Variants in IPO9 observed in about 807,000 individuals in gnomAD.
The protein encoded by IPO9 is importin-9.
In IPO9, 28 loss-of-function variants were observed where a neutral mutation model predicts 128.6. That is an observed-to-expected ratio of 0.22 (90% CI 0.16 to 0.30). The LOEUF (loss-of-function observed/expected upper bound fraction) is 0.30. Ranked by LOEUF, IPO9 falls within the 10% of genes least tolerant of loss-of-function variation. IPO9 has a pLI of 1.00. For missense variants in IPO9, 935 were observed against 1,293.9 expected (o/e 0.72, Z 4.26); for synonymous variants, 455 against 475.8 (o/e 0.96, Z 0.57).
rs1427954272 is a variant in IPO9 at position 201,829,213 on chromosome 1, G to A, written c.4G>A (p.Ala2Thr). M[A>T]AAAAAGAASG... ...TGGCGGGCTGAGGGGAGAAAAGATG[G>A]CGGCGGCGGCGGCAGCTGGTGCGGC... is the stretch of plus-strand genomic sequence containing the variant. Residue 2 changes from alanine (A) to threonine (T), a missense_variant, in exon 1 of 24, where the codon GCG (alanine) becomes ACG (threonine). Ala to Thr is a moderately conservative substitution (Grantham distance 58, BLOSUM62 0). Around this residue, in one of 3 missense-constraint regions of IPO9, gnomAD observed 741 missense variants for 1,019.1 expected, o/e 0.73. Coordinates refer to ENST00000361565, the MANE Select transcript of IPO9 (RefSeq NM_018085.5). The A allele has an allele frequency of 6.5e-7, 1 of 1,545,494 alleles. No individual in the cohort carries two copies. The highest frequency in any genetic ancestry group is 8.7e-7 in the Non-Finnish European group (1 of 1,150,744).
chr1:201,832,236 T>C (rs1679849110), intron 1 of IPO9, among the ~76,000 whole-genome samples: 1 of 150,608 alleles, frequency 6.6e-6, no homozygotes, highest in Admixed American at 6.6e-5. Context: ...AGGAACCTTG[T>C]TTTCTGATTC....
chr1:201,858,809 T>G (rs1680381254), intron 12 of IPO9, 46 bp from the exon 13 acceptor site: 2 of 1,554,780 alleles, frequency 1.3e-6, no homozygotes, highest in African/African-American at 2.7e-5. Context: ...ATTTATCTCT[T>G]TTGGCAGTTT....
intron 1 of IPO9, among the ~76,000 whole-genome samples, chr1:201,832,616 A>AT (rs1288862244): frequency 6.6e-6 from 1 of 152,170 alleles, no homozygotes; most frequent in East Asian, 1.9e-4. Context: ...GTCTATTATT[A>AT]TTTGTGTTCT....
chr1:201,871,093 A>G, intron 18 of IPO9, 68 bp from the exon 19 acceptor site: 1 of 1,490,078 alleles, frequency 6.7e-7, no homozygotes, highest in Non-Finnish European at 9.2e-7. Context: ...CTGACTGGCC[A>G]GTTCCCTCTC....
At chr1:201,857,381 G>T (rs1680349080) in intron 11 of IPO9, among the ~76,000 whole-genome samples, 187 bp downstream of exon 11, 1 of 152,142 alleles carries the variant, frequency 6.6e-6, no homozygotes. Flanking sequence ...CATTGCTACT[G>T]GTTCTAACTT....
In IPO9 at chr1:201,877,208, T is replaced by C. The variant is rs1212664814; in HGVS notation, c.*1154T>C. 2.0e-5 allele frequency: 3 copies of C among 152,110 alleles called. No individual in the cohort carries two copies. The highest frequency in any genetic ancestry group is 6.6e-5 in the Admixed American group (1 of 15,260). The allele number at this position is 152,110 out of a possible 1,614,324, so 9.4% of individuals were successfully genotyped here. On this transcript the variant is annotated 3_prime_UTR_variant, in exon 24 of 24. Transcript: ENST00000361565. ...CAAAGAGTAAATGAGGATTAGAAAA[T>C]CATGGAGAGAGGCTGGGCGCGGTGG... is the stretch of plus-strand genomic sequence containing the variant.
chr1:201,862,203 A>C (rs774732987), intron 13 of IPO9, among the ~76,000 whole-genome samples: 1 of 152,144 alleles, frequency 6.6e-6, no homozygotes, highest in Non-Finnish European at 1.5e-5. Flanking sequence ...CATGCCTGTA[A>C]TCTCAGCACT....
chr1:201,876,339 G>A lies in IPO9; in HGVS notation c.*285G>A, dbSNP rs371590811. 7.0e-5 allele frequency: 37 copies of A among 526,280 alleles called. No individual in the cohort carries two copies. Among genetic ancestry groups the A allele is most frequent in the South Asian group, 3.6e-4 (18 of 50,528 alleles). 32.6% of individuals were successfully genotyped at this position (526,280 alleles called of 1,614,324 possible). Reference sequence around the variant, plus strand: ...CCCACCTCTGTTCCTAGAGCCCTCTGCTGGCGAGTCCAGAAACATTATTGC... The same window carrying A: ...CCCACCTCTGTTCCTAGAGCCCTCTACTGGCGAGTCCAGAAACATTATTGC... On this transcript the variant is annotated 3_prime_UTR_variant, in exon 24 of 24. Coordinates refer to ENST00000361565, the MANE Select transcript of IPO9 (RefSeq NM_018085.5).
rs1680763497 is a variant in IPO9, at chr1:201,876,370, AGGATTATGTGTTTAT to A, written c.*324_*338del. 2.2e-6 allele frequency: 1 copy of A among 459,672 alleles called. No individual in the cohort carries two copies. Among genetic ancestry groups the A allele is most frequent in the Non-Finnish European group, 4.1e-6 (1 of 246,806 alleles). 28.5% of individuals were successfully genotyped at this position (459,672 alleles called of 1,614,324 possible). ...GAGTCCAGAAACATTATTGCCCAGA[AGGATTATGTGTTTAT>A]GGATTATTTTGCCCCGCCTCAGGAG... On this transcript the variant is annotated 3_prime_UTR_variant, in exon 24 of 24. Coordinates refer to ENST00000361565, the MANE Select transcript of IPO9 (RefSeq NM_018085.5).
At chr1:201,864,694 T>A (rs1318287182) in intron 14 of IPO9, among the ~76,000 whole-genome samples, 1 of 152,238 alleles carries the variant, frequency 6.6e-6, no homozygotes, top group East Asian at 1.9e-4. Flanking sequence ...CCAGAGTGTT[T>A]TAGGTAGACA....
intron 13 of IPO9, among the ~76,000 whole-genome samples, chr1:201,859,265 G>A (rs1465268653): frequency 6.7e-6 from 1 of 148,232 alleles, no homozygotes; most frequent in East Asian, 2.0e-4. Flanking sequence ...AGACTGGTAG[G>A]CCAGATATTC....
intron 15 of IPO9, among the ~76,000 whole-genome samples, chr1:201,867,703 G>A (rs182791268): frequency 6.9e-4 from 104 of 150,710 alleles, no homozygotes; most frequent in Non-Finnish European, 1.1e-3. Context: ...TTTTTTTCCT[G>A]TAGTGAATGT....
In IPO9 at chr1:201,859,180, A is replaced by AAT. The variant is rs148348918; in HGVS notation, c.1468+212_1468+213dup. On this transcript the variant is annotated intron_variant, in intron 13 of 23. Transcript: ENST00000361565. ...ACATGTACCCTAGAACTCAAAGTATAATATATATATATATATATATATATA... is the reference window on the plus strand; with the variant it reads ...ACATGTACCCTAGAACTCAAAGTATAATATATATATATATATATATATATATA... Among the ~76,000 whole-genome samples, 99 of 83,446 alleles carry AAT rather than the reference A, an allele frequency of 1.2e-3. 1 individual carries two copies. The highest frequency in any genetic ancestry group is 3.7e-3 in the African/African-American group (92 of 25,002). 54.7% of individuals were successfully genotyped at this position (83,446 alleles called of 152,430 possible).
At chr1:201,865,935 C>T (rs559173652) in intron 14 of IPO9, among the ~76,000 whole-genome samples, 1 of 152,212 alleles carries the variant, frequency 6.6e-6, no homozygotes, top group East Asian at 1.9e-4. Flanking sequence ...TTACTTTGCC[C>T]CTCTAATGAA....
chr1:201,842,504 C>T (rs1410008795), intron 1 of IPO9, among the ~76,000 whole-genome samples: 1 of 152,076 alleles, frequency 6.6e-6, no homozygotes, highest in African/African-American at 2.4e-5. Context: ...AGTGACCAGC[C>T]CCCATCCTGA....
rs1020407485 is a variant in IPO9, at chr1:201,883,273, G to T, written c.*7219G>T. The T allele has an allele frequency of 6.6e-6, 1 of 151,624 alleles. No individual in the cohort carries two copies. The highest frequency in any genetic ancestry group is 2.4e-5 in the African/African-American group (1 of 41,262). 9.4% of individuals were successfully genotyped at this position (151,624 alleles called of 1,614,324 possible). On this transcript the variant is annotated 3_prime_UTR_variant, in exon 24 of 24. Transcript: ENST00000361565. ...TGGACAGCAGGACTGCATGAGAATAGCTGTGCTTCTGGACCCTATGGTGAA... is the reference window on the plus strand; with the variant it reads ...TGGACAGCAGGACTGCATGAGAATATCTGTGCTTCTGGACCCTATGGTGAA...
intron 1 of IPO9, among the ~76,000 whole-genome samples, chr1:201,838,748 A>G (rs1679985002): frequency 6.6e-6 from 1 of 152,226 alleles, no homozygotes; most frequent in Non-Finnish European, 1.5e-5. Flanking sequence ...AGAATGAATT[A>G]AGAATCTAAG....
Position 201,848,460 on chromosome 1 carries a change from G to A in IPO9, c.380G>A (p.Ser127Asn). The A allele has an allele frequency of 6.2e-7, 1 of 1,614,206 alleles. No homozygotes were observed. Among genetic ancestry groups the A allele is most frequent in the Non-Finnish European group, 8.5e-7 (1 of 1,180,030 alleles). Residue 127 changes from serine (S) to asparagine (N), a missense_variant, in exon 4 of 24, where the codon AGT becomes AAT. By Grantham distance (46) the Ser-to-Asn change is conservative. Coordinates refer to ENST00000361565, the MANE Select transcript of IPO9 (RefSeq NM_018085.5). ...GAATCGATAAGCAAAGTGCGCTCCAGTGTGGCCTATGCAGTGTCAGCCATT... is the reference window on the plus strand; with the variant it reads ...GAATCGATAAGCAAAGTGCGCTCCAATGTGGCCTATGCAGTGTCAGCCATT... ...LRESISKVRSSVAYAVSAIAH... is the reference protein window; with the variant it reads ...LRESISKVRSNVAYAVSAIAH...
chr1:201,849,031 CATT>C (rs1194555634), intron 4 of IPO9, among the ~76,000 whole-genome samples: 1 of 152,128 alleles, frequency 6.6e-6, no homozygotes, highest in East Asian at 1.9e-4. Flanking sequence ...CTATGATTAT[CATT>C]ATTACTATAT....
Sources: allele counts gnomAD v4.1 joint callset (sites outside exome capture counted in the v4.1 genomes callset), GRCh38; gene constraint gnomAD v4.1.1; regional missense constraint gnomAD v4.1.1; transcripts MANE v1.5; gene names NCBI Gene and HGNC (gene_info 2026-07-23, HGNC 2026-07-21).